PRELID2: variants seen among roughly 807,000 people sequenced by gnomAD.
PRELID2 encodes the protein PRELI domain containing 2, also known as PRELI domain-containing protein 2.
A neutral mutation model predicts 28.4 loss-of-function variants in PRELID2; 25 were observed. The observed-to-expected ratio is 0.88, with a 90% CI of 0.64 to 1.23. The LOEUF is 1.23. Ranked by LOEUF, PRELID2 falls within the 50% of genes most tolerant of loss-of-function variation. The pLI is 0.00. For missense variants in PRELID2, 201 were observed against 214.4 expected (o/e 0.94, Z 0.39); for synonymous variants, 76 against 71.6 (o/e 1.06, Z -0.31).
chr5:145,460,868 TTAAA>T, the PRELID2 span, among the ~76,000 whole-genome samples: 303 of 152,360 alleles, frequency 2.0e-3, 1 homozygote, highest in African/African-American at 6.9e-3. Flanking sequence ...ATGTGTTTAC[TTAAA>T]TAAACTATTT....
the PRELID2 span, among the ~76,000 whole-genome samples, chr5:145,381,262 A>C: frequency 6.6e-6 from 1 of 152,342 alleles, no homozygotes; most frequent in African/African-American, 2.4e-5. Context: ...AAAATGATGC[A>C]GTCTTTCTGA....
chr5:145,722,891 A>C (rs189234823), intron 1 of PRELID2, among the ~76,000 whole-genome samples: 2 of 152,176 alleles, frequency 1.3e-5, no homozygotes, highest in African/African-American at 4.8e-5. Flanking sequence ...TAGAAAAAAC[A>C]TTGTATCAAG....
intron 1 of PRELID2, among the ~76,000 whole-genome samples, chr5:145,690,760 C>G (rs897221495): frequency 2.0e-5 from 3 of 152,006 alleles, no homozygotes; most frequent in African/African-American, 7.2e-5. Context: ...AGATATAGCC[C>G]CTGTTTCTTG....
chr5:145,676,251 C>T (rs993974076), intron 1 of PRELID2, among the ~76,000 whole-genome samples: 37 of 147,382 alleles, frequency 2.5e-4, no homozygotes, highest in Middle Eastern at 4.2e-3. Flanking sequence ...AATAATGTGT[C>T]TCATTGTTTG....
At chr5:145,229,272 A>G in the PRELID2 span, 9 of 755,334 alleles carry the variant, frequency 1.2e-5, no homozygotes, top group South Asian at 1.1e-4. Context: ...GAGTTCTACA[A>G]CTGGTTCAAG....
At chr5:145,807,446 T>C (rs986976753) in intron 4 of PRELID2, among the ~76,000 whole-genome samples, 2 of 152,182 alleles carry the variant, frequency 1.3e-5, no homozygotes, top group Non-Finnish European at 2.9e-5. Flanking sequence ...ATTTATTCGG[T>C]GCTTCATAAA....
intron 1 of PRELID2, among the ~76,000 whole-genome samples, chr5:145,707,717 A>C (rs1755585048): frequency 1.3e-5 from 2 of 152,212 alleles, no homozygotes; most frequent in Non-Finnish European, 2.9e-5. Context: ...AAATAAAGAC[A>C]GACCAAAAAA....
intron 1 of PRELID2, among the ~76,000 whole-genome samples, chr5:145,611,735 C>T (rs1753619727): frequency 6.6e-6 from 1 of 152,112 alleles, no homozygotes; most frequent in South Asian, 2.1e-4. Flanking sequence ...AAAACAATCC[C>T]TATCAAAATC....
intron 1 of PRELID2, among the ~76,000 whole-genome samples, chr5:145,630,620 T>G (rs1478209053): frequency 1.3e-5 from 2 of 151,982 alleles, no homozygotes; most frequent in Non-Finnish European, 2.9e-5. Context: ...AAAGCCAGAG[T>G]CCAAATAACT....
chr5:145,459,330 C>G, the PRELID2 span, among the ~76,000 whole-genome samples: 1 of 152,132 alleles, frequency 6.6e-6, no homozygotes, highest in Non-Finnish European at 1.5e-5. Context: ...CATAACTGAA[C>G]CCTCTTGAGA....
intron 4 of PRELID2, among the ~76,000 whole-genome samples, chr5:145,811,280 G>C (rs1826188): frequency 6.6e-6 from 1 of 151,964 alleles, no homozygotes; most frequent in East Asian, 1.9e-4. Context: ...CTCAAGATGA[G>C]ATTTGGGTGG....
intron 6 of PRELID2, among the ~76,000 whole-genome samples, chr5:145,763,919 T>C (rs1029273147): frequency 2.0e-5 from 3 of 151,880 alleles, no homozygotes; most frequent in Non-Finnish European, 4.4e-5. Context: ...CTACTAAAAA[T>C]ACAAAAATTA....
chr5:145,797,672 C>G (rs1752857108), intron 4 of PRELID2, among the ~76,000 whole-genome samples: 1 of 152,008 alleles, frequency 6.6e-6, no homozygotes, highest in South Asian at 2.1e-4. Flanking sequence ...GAAGATGCAT[C>G]CCTCAAAAAG....
chr5:145,496,722 C>T (rs1222431573), intron 1 of PRELID2, among the ~76,000 whole-genome samples: 1 of 152,146 alleles, frequency 6.6e-6, no homozygotes, highest in Non-Finnish European at 1.5e-5. Flanking sequence ...CTTCCTTTCT[C>T]CTTTCACAAG....
chr5:145,307,357 C>A, the PRELID2 span, among the ~76,000 whole-genome samples: 1 of 152,182 alleles, frequency 6.6e-6, no homozygotes, highest in Non-Finnish European at 1.5e-5. Context: ...GCACAAGCAG[C>A]TAAGATCTAG....
chr5:145,387,749 T>G, the PRELID2 span, among the ~76,000 whole-genome samples: 4 of 151,806 alleles, frequency 2.6e-5, no homozygotes, highest in Non-Finnish European at 4.4e-5. Flanking sequence ...CTGAGCAACA[T>G]AAGGAGACCC....
chr5:145,425,261 G>A, the PRELID2 span, among the ~76,000 whole-genome samples: 1 of 152,122 alleles, frequency 6.6e-6, no homozygotes, highest in Admixed American at 6.5e-5. Flanking sequence ...AAAATAACAT[G>A]CTGGTTAGGT....
chr5:145,746,604 G>T (rs2400200), intron 1 of PRELID2, among the ~76,000 whole-genome samples: 1 of 152,008 alleles, frequency 6.6e-6, no homozygotes, highest in Non-Finnish European at 1.5e-5. Flanking sequence ...ACACCCCACT[G>T]TCAATATTAG....
At chr5:145,469,936 G>T (rs1039289563), downstream of PRELID2, among the ~76,000 whole-genome samples, 6 of 151,964 alleles carry the variant, frequency 3.9e-5, no homozygotes, top group Admixed American at 6.6e-5. Flanking sequence ...TTCACATGTA[G>T]GAATCTATCC....
Sources: gnomAD v4.1 joint callset for allele counts (sites outside exome capture counted in the v4.1 genomes callset) on GRCh38, gnomAD v4.1.1 for gene constraint, MANE v1.5 for transcripts, NCBI Gene and HGNC (gene_info 2026-07-23, HGNC 2026-07-21) for gene names.